The following CACUL1 variants were observed in gnomAD, a reference collection of about 807,000 sequenced individuals.
CACUL1 encodes CDK2 associated cullin domain 1, also known as CDK2-associated and cullin domain-containing protein 1.
Under a neutral mutation model 45.2 loss-of-function variants are expected in CACUL1, and 13 were observed. The observed-to-expected ratio is 0.29, with a 90% confidence interval of 0.19 to 0.46. The LOEUF (loss-of-function observed/expected upper bound fraction) is 0.46. Among genes scored for constraint, CACUL1 ranks in the 20% least tolerant of loss-of-function variants. The probability of loss-of-function intolerance (pLI) is 1.00; values close to 1 mark genes in which losing one functional copy is unlikely to be tolerated. For missense variants in CACUL1, 421 were observed against 471.4 expected (o/e 0.89, Z 0.99); for synonymous variants, 197 against 174.2 (o/e 1.13, Z -1.03).
chr10:118,716,752 G>A (rs1054974172), intron 3 of CACUL1, among the ~76,000 whole-genome samples: 6 of 151,864 alleles, frequency 4.0e-5, no homozygotes, highest in East Asian at 1.9e-4. Flanking sequence ...ACAGGCACCC[G>A]CCACCACGCC....
At chr10:118,733,488 A>AAATG (rs112288467) in intron 1 of CACUL1, among the ~76,000 whole-genome samples, 7,257 of 152,298 alleles carry the variant, frequency 0.048, 558 homozygotes, top group African/African-American at 0.16. Flanking sequence ...ATCTGCAGTC[A>AAATG]ACACTTAAAA....
rs761508923 is a variant in CACUL1, at chr10:118,696,580, C to G, written c.797-1350G>C. On this transcript the variant is annotated intron_variant, in intron 5 of 8. Transcript: ENST00000369151. ...ATTGCTTGAACCTGGGAGGCGGAGG[C>G]TGCAGTGAGCCAAGATCCCGCTACT... Among the ~76,000 whole-genome samples the G allele has an allele frequency of 2.6e-5, 4 of 152,180 alleles. No individual in the cohort carries two copies. In the East Asian group the frequency reaches 7.7e-4, roughly 29 times the overall value.
chr10:118,730,324 G>C lies in CACUL1; in HGVS notation c.454C>G (p.Pro152Ala), dbSNP rs540579492. 1 of 1,613,982 alleles carries C rather than the reference G, an allele frequency of 6.2e-7. No individual in the cohort carries two copies. The highest frequency in any genetic ancestry group is 1.3e-5 in the African/African-American group (1 of 75,042). ...GAIDQLLTQS[P>A]GDYIPISYEQ... ...TAGGATATGGGGATATAGTCACCAG[G>C]ACTCTGAGTTAAAAGTTGATCTATG... The change falls in exon 2 of 9, where the codon CCT (proline) becomes GCT (alanine). Residue 152 changes from proline (P) to alanine (A), a missense_variant. Around this residue, in one of 2 missense-constraint regions of CACUL1, gnomAD observed 208 missense variants for 298.4 expected, o/e 0.70. Coordinates refer to ENST00000369151, the MANE Select transcript of CACUL1 (RefSeq NM_153810.5).
chr10:118,724,801 G>A (rs1845637596), intron 3 of CACUL1, among the ~76,000 whole-genome samples: 1 of 152,124 alleles, frequency 6.6e-6, no homozygotes, highest in African/African-American at 2.4e-5. Flanking sequence ...CTAGCACCCA[G>A]AAATAGGAGA....
rs1360370830 is a variant in CACUL1, at chr10:118,680,577, A to G, written c.*5551T>C. The G allele has an allele frequency of 1.3e-5, 2 of 152,232 alleles. No homozygotes were observed. The highest frequency in any genetic ancestry group is 1.5e-5 in the Non-Finnish European group (1 of 68,042). 9.4% of individuals were successfully genotyped at this position (152,232 alleles called of 1,614,324 possible). A position where few individuals can be genotyped will look rare whatever the true frequency, so the allele number is the denominator to read the frequency against. Reference sequence around the variant, plus strand: ...ACTAATTTCATAGCAAGAAAACACAAAGGGTTATAAAAAAGCATAGTACCA... The same window carrying G: ...ACTAATTTCATAGCAAGAAAACACAGAGGGTTATAAAAAAGCATAGTACCA... On this transcript the variant is annotated 3_prime_UTR_variant, in exon 9 of 9. Transcript: ENST00000369151.
chr10:118,719,749 T>C (rs1845583043), intron 3 of CACUL1, among the ~76,000 whole-genome samples: 1 of 151,536 alleles, frequency 6.6e-6, no homozygotes. Flanking sequence ...AGGCGGAGGT[T>C]GCGGTGAGCC....
At chr10:118,696,822 A>G (rs1195150323) in intron 5 of CACUL1, among the ~76,000 whole-genome samples, 1 of 152,316 alleles carries the variant, frequency 6.6e-6, no homozygotes, top group African/African-American at 2.4e-5. Flanking sequence ...TAGGTTTTCA[A>G]AGTTCTCTCT....
At chr10:118,700,483 C>A (rs549108750) in intron 5 of CACUL1, among the ~76,000 whole-genome samples, 1 of 151,824 alleles carries the variant, frequency 6.6e-6, no homozygotes, top group African/African-American at 2.4e-5. Flanking sequence ...TTTGGGAGGC[C>A]GAGATGGGTG....
At chr10:118,733,257 G>C (rs1268579576) in intron 1 of CACUL1, among the ~76,000 whole-genome samples, 1 of 151,936 alleles carries the variant, frequency 6.6e-6, no homozygotes, top group Non-Finnish European at 1.5e-5. Flanking sequence ...AAATATCTTT[G>C]AAAAGAGACT....
rs1185944727 is a variant in CACUL1 at position 118,677,004 on chromosome 10, T to C, written c.*9124A>G. The stretch of plus-strand genomic sequence containing the variant: ...ATACTACTTTCTAGTTTTTACAACA[T>C]TTTTTTCTTTTTTAGTTCACAATCT... On this transcript the variant is annotated 3_prime_UTR_variant, in exon 9 of 9. Transcript: ENST00000369151. 6.6e-6 allele frequency: 1 copy of C among 152,152 alleles called. No homozygotes were observed. Among genetic ancestry groups the C allele is most frequent in the Non-Finnish European group, 1.5e-5 (1 of 68,010 alleles). The allele number at this position is 152,152 out of a possible 1,614,324, so 9.4% of individuals were successfully genotyped here.
chr10:118,703,402 C>G (rs1589605918), intron 4 of CACUL1, among the ~76,000 whole-genome samples: 2 of 151,032 alleles, frequency 1.3e-5, no homozygotes, highest in East Asian at 1.9e-4. Context: ...AGATTTTTCT[C>G]TAAAAAAACA....
intron 1 of CACUL1, among the ~76,000 whole-genome samples, chr10:118,731,600 GC>G (rs1300272091): frequency 1.3e-5 from 2 of 152,154 alleles, no homozygotes; most frequent in African/African-American, 4.8e-5. Flanking sequence ...GACCCAAAGG[GC>G]TACATATTCT....
In CACUL1 at chr10:118,679,909, C is replaced by T. The variant is rs1352601929; in HGVS notation, c.*6219G>A. 1 of 152,188 alleles carries T rather than the reference C, an allele frequency of 6.6e-6. No individual in the cohort carries two copies. Among genetic ancestry groups the T allele is most frequent in the Non-Finnish European group, 1.5e-5 (1 of 68,062 alleles). The allele number at this position is 152,188 out of a possible 1,614,324, so 9.4% of individuals were successfully genotyped here. A position where few individuals can be genotyped will look rare whatever the true frequency, so the allele number is the denominator to read the frequency against. ...CTTCAAGCAATCTTCCCACCTCAGCCTCTCAGTGTTGGGATTACAGGTGTG... is the reference window on the plus strand; with the variant it reads ...CTTCAAGCAATCTTCCCACCTCAGCTTCTCAGTGTTGGGATTACAGGTGTG... On this transcript the variant is annotated 3_prime_UTR_variant, in exon 9 of 9. Transcript: ENST00000369151.
chr10:118,748,743 A>G (rs768533238), intron 1 of CACUL1, among the ~76,000 whole-genome samples: 1 of 152,214 alleles, frequency 6.6e-6, no homozygotes, highest in Non-Finnish European at 1.5e-5. Flanking sequence ...TCTGGCCCCA[A>G]GCATTTTGGA....
intron 1 of CACUL1, among the ~76,000 whole-genome samples, chr10:118,752,478 C>G (rs950750974): frequency 1.3e-5 from 2 of 152,154 alleles, no homozygotes; most frequent in Non-Finnish European, 2.9e-5. Context: ...ATGCTTTCAT[C>G]TCTAGGACTA....
chr10:118,719,460 A>C (rs536259022), intron 3 of CACUL1, among the ~76,000 whole-genome samples: 1 of 152,294 alleles, frequency 6.6e-6, no homozygotes, highest in African/African-American at 2.4e-5. Context: ...CAGATGTGTC[A>C]TGGCCCTAGA....
chr10:118,682,122 T>G lies in CACUL1; in HGVS notation c.*4006A>C, dbSNP rs1213913622. ...TTCTGAACTTTAATTTTAAGGACCC[T>G]TTAAAAGGCCTAGACTTGGATTAAA... On this transcript the variant is annotated 3_prime_UTR_variant, in exon 9 of 9. Transcript: ENST00000369151. 1.3e-5 allele frequency: 2 copies of G among 152,208 alleles called. No homozygotes were observed. Among genetic ancestry groups the G allele is most frequent in the Non-Finnish European group, 2.9e-5 (2 of 68,038 alleles). The allele number at this position is 152,208 out of a possible 1,614,324, so 9.4% of individuals were successfully genotyped here. A position where few individuals can be genotyped will look rare whatever the true frequency, so the allele number is the denominator to read the frequency against.
chr10:118,691,470 A>G (rs1455727466), intron 6 of CACUL1, 67 bp from the exon 7 acceptor site: 1 of 1,441,616 alleles, frequency 6.9e-7, no homozygotes, highest in African/African-American at 1.4e-5. Context: ...GGAAAAGGGA[A>G]AGTTTTCTTT....
intron 5 of CACUL1, among the ~76,000 whole-genome samples, chr10:118,696,574 C>T (rs1845325466): frequency 6.6e-6 from 1 of 152,158 alleles, no homozygotes; most frequent in African/African-American, 2.4e-5. Context: ...ACCTGGGAGG[C>T]GGAGGCTGCA....
Sources: allele counts gnomAD v4.1 joint callset (sites outside exome capture counted in the v4.1 genomes callset), GRCh38; gene constraint gnomAD v4.1.1; regional missense constraint gnomAD v4.1.1; transcripts MANE v1.5; gene names NCBI Gene and HGNC (gene_info 2026-07-23, HGNC 2026-07-21).